POM121C: variants seen among roughly 807,000 people sequenced by gnomAD.
POM121C encodes the protein nuclear envelope pore membrane protein POM 121C.
A neutral mutation model predicts 66.4 loss-of-function variants in POM121C; 20 were observed. That is an observed-to-expected ratio of 0.30 (90% confidence interval 0.21 to 0.44). The LOEUF (loss-of-function observed/expected upper bound fraction) is 0.44. Among genes scored for constraint, POM121C ranks in the 20% least tolerant of loss-of-function variants. POM121C has a pLI of 1.00. For missense variants in POM121C, 580 were observed against 1,225.7 expected (o/e 0.47, Z 7.87); for synonymous variants, 286 against 528.0 (o/e 0.54, Z 6.28).
intron 3 of POM121C, among the ~76,000 whole-genome samples, chr7:75,454,487 G>A (rs1419803633): frequency 6.6e-6 from 1 of 152,142 alleles, no homozygotes; most frequent in Non-Finnish European, 1.5e-5. Flanking sequence ...TCTGGGTGGC[G>A]CTCTGTGCCG....
intron 3 of POM121C, among the ~76,000 whole-genome samples, chr7:75,449,075 C>T (rs1290112407): frequency 6.0e-5 from 9 of 150,070 alleles, no homozygotes; most frequent in African/African-American, 1.5e-4. Context: ...CGTGAGCCAC[C>T]GCACCTGGCT....
chr7:75,442,765 C>A, intron 3 of POM121C: 1 of 1,305,614 alleles, frequency 7.7e-7, no homozygotes, highest in Non-Finnish European at 9.7e-7. Flanking sequence ...CAGCGTGCAC[C>A]GCGCCACGCG....
intron 3 of POM121C, among the ~76,000 whole-genome samples, chr7:75,470,577 CA>C (rs1351626919): frequency 6.6e-6 from 1 of 151,988 alleles, no homozygotes; most frequent in Non-Finnish European, 1.5e-5. Context: ...TCTTTTACCT[CA>C]ACATTCCCAA....
intron 3 of POM121C, among the ~76,000 whole-genome samples, chr7:75,471,067 C>T (rs1247552791): frequency 1.3e-5 from 2 of 152,168 alleles, no homozygotes; most frequent in Admixed American, 1.3e-4. Context: ...TCCCCTCACT[C>T]TCCCCTTTGA....
chr7:75,436,023 C>T (rs1230260637), intron 7 of POM121C, among the ~76,000 whole-genome samples: 2 of 147,828 alleles, frequency 1.4e-5, no homozygotes, highest in East Asian at 2.0e-4. Context: ...TGCGCTCCAG[C>T]GTGGGGAACA....
In POM121C at chr7:75,486,020, C is replaced by A; in HGVS notation, c.-614G>T. The A allele has an allele frequency of 2.1e-6, 1 of 469,898 alleles. No individual in the cohort carries two copies. Among genetic ancestry groups the A allele is most frequent in the Non-Finnish European group, 4.2e-6 (1 of 237,338 alleles). 29.1% of individuals were successfully genotyped at this position (469,898 alleles called of 1,614,324 possible). Reference sequence around the variant, plus strand: ...CCCGGGCCGGGCCTACGGGGCAAATCCAGGCGGGTGTCCTTCTCGGGGCCC... The same window carrying A: ...CCCGGGCCGGGCCTACGGGGCAAATACAGGCGGGTGTCCTTCTCGGGGCCC... On this transcript the variant is annotated 5_prime_UTR_variant, in exon 1 of 15. Coordinates refer to ENST00000615331, the MANE Select transcript of POM121C (RefSeq NM_001099415.3).
intron 1 of POM121C, among the ~76,000 whole-genome samples, chr7:75,484,756 T>G (rs1344112780): frequency 3.3e-5 from 5 of 151,872 alleles, no homozygotes; most frequent in African/African-American, 1.2e-4. Context: ...TAGACTCTCA[T>G]GGGTAACATG....
intron 1 of POM121C, among the ~76,000 whole-genome samples, chr7:75,480,018 C>T (rs1200577090): frequency 2.0e-5 from 3 of 150,062 alleles, no homozygotes; most frequent in African/African-American, 7.4e-5. Context: ...TATAACCTAA[C>T]TCGTTTTATC....
At chr7:75,424,788 A>G (rs1208658946) in intron 10 of POM121C, 160 bp from the exon 11 acceptor site, 2 of 1,227,138 alleles carry the variant, frequency 1.6e-6, no homozygotes, top group African/African-American at 1.5e-5. Context: ...GTGAAACCCC[A>G]TCTCTACTAA....
chr7:75,439,621 A>T (rs1790554181), intron 5 of POM121C, among the ~76,000 whole-genome samples: 1 of 152,068 alleles, frequency 6.6e-6, no homozygotes. Context: ...CCTGGGTTCC[A>T]GCGATCCTCC....
At chr7:75,474,964 T>C in intron 2 of POM121C, 82 bp from the exon 3 acceptor site, 2 of 1,343,462 alleles carry the variant, frequency 1.5e-6, no homozygotes, top group Admixed American at 3.4e-5. Context: ...CTGCAGCTAG[T>C]GCCCACAAGG....
chr7:75,447,731 A>C (rs1554474962), intron 3 of POM121C, among the ~76,000 whole-genome samples: 1 of 152,106 alleles, frequency 6.6e-6, no homozygotes, highest in Non-Finnish European at 1.5e-5. Context: ...TAAAAAAAAA[A>C]ACAAAAATTA....
intron 7 of POM121C, among the ~76,000 whole-genome samples, chr7:75,436,843 A>G (rs587676118): frequency 6.6e-6 from 1 of 151,778 alleles, no homozygotes; most frequent in South Asian, 2.1e-4. Flanking sequence ...CTAGTCTTGA[A>G]CTCCTGGGCT....
intron 6 of POM121C, 35 bp downstream of exon 6, chr7:75,439,109 C>T: frequency 6.2e-7 from 1 of 1,610,944 alleles, no homozygotes; most frequent in Non-Finnish European, 8.5e-7. Flanking sequence ...TTTTTCCAAA[C>T]AGTTGGTATT....
intron 10 of POM121C, 63 bp from the exon 11 acceptor site, chr7:75,424,691 G>T (rs1789864455): frequency 6.3e-7 from 1 of 1,589,270 alleles, no homozygotes; most frequent in Non-Finnish European, 8.6e-7. Context: ...GGGCGTGGTG[G>T]CTAACGCCGG....
chr7:75,465,289 C>G (rs1351466542), intron 3 of POM121C, among the ~76,000 whole-genome samples: 2 of 151,850 alleles, frequency 1.3e-5, no homozygotes, highest in Non-Finnish European at 2.9e-5. Context: ...GCCACCGTGC[C>G]CAGCCTGAAT....
At chr7:75,465,327 T>C (rs1400969404) in intron 3 of POM121C, among the ~76,000 whole-genome samples, 1 of 148,402 alleles carries the variant, frequency 6.7e-6, no homozygotes, top group African/African-American at 2.5e-5. Context: ...GTATGTGGAC[T>C]GGGTGTGGTG....
In POM121C at chr7:75,439,127, G is replaced by T. The variant is rs782692250; in HGVS notation, c.308+17C>A. On this transcript the variant is annotated intron_variant, in intron 6 of 14. Coordinates refer to ENST00000615331, the MANE Select transcript of POM121C (RefSeq NM_001099415.3). ...TTCCAAACAGTTGGTATTTCATCTG[G>T]ATGGACTCGCACTTACTTAGGCACA... 9.9e-6 allele frequency: 16 copies of T among 1,613,616 alleles called. No individual in the cohort carries two copies. In the Admixed American group the frequency reaches 2.7e-4, roughly 27 times the overall value.
chr7:75,437,725 C>T (rs782066081), intron 6 of POM121C, 39 bp from the exon 7 acceptor site: 42 of 1,537,084 alleles, frequency 2.7e-5, no homozygotes, highest in African/African-American at 4.1e-5. Context: ...TTATTGAAGG[C>T]AACATTCTTT....
Sources: gnomAD v4.1 joint callset for allele counts (sites outside exome capture counted in the v4.1 genomes callset) on GRCh38, gnomAD v4.1.1 for gene constraint, MANE v1.5 for transcripts, NCBI Gene and HGNC (gene_info 2026-07-23, HGNC 2026-07-21) for gene names.